Variants in FILIP1 observed in about 807,000 individuals in gnomAD.
FILIP1 encodes filamin-A-interacting protein 1.
Under a neutral mutation model 102.1 loss-of-function variants are expected in FILIP1, and 61 were observed. The observed-to-expected ratio is 0.60, with a 90% confidence interval of 0.49 to 0.74. The LOEUF (loss-of-function observed/expected upper bound fraction) is 0.74. FILIP1 is among the 30% of genes least tolerant of loss of function. The probability of loss-of-function intolerance (pLI) is 0.00; values close to 1 mark genes in which losing one functional copy is unlikely to be tolerated. For missense variants in FILIP1, 1,314 were observed against 1,441.2 expected, an observed-to-expected ratio of 0.91 and a Z score of 1.43; for synonymous variants, 491 against 526.9, an observed-to-expected ratio of 0.93 and a Z score of 0.93.
chr6:75,323,111 ATTTTTT>A (rs977507040), intron 4 of FILIP1, among the ~76,000 whole-genome samples: 1 of 151,986 alleles, frequency 6.6e-6, no homozygotes, highest in African/African-American at 2.4e-5. Flanking sequence ...TTTTATTTTT[ATTTTTT>A]GCCATTTAGA....
intron 2 of FILIP1, among the ~76,000 whole-genome samples, chr6:75,405,616 G>T (rs749819774): frequency 1.3e-5 from 2 of 152,190 alleles, no homozygotes; most frequent in Admixed American, 6.5e-5. Context: ...TGCCCTTACA[G>T]ATAGAGCAAT....
chr6:75,339,763 T>C (rs990589445), intron 4 of FILIP1, among the ~76,000 whole-genome samples: 6 of 152,124 alleles, frequency 3.9e-5, no homozygotes, highest in Middle Eastern at 3.4e-3. Flanking sequence ...GCCTGGCCAA[T>C]AGGGCGAAAC....
chr6:75,475,390 C>T (rs1325284708), intron 1 of FILIP1, among the ~76,000 whole-genome samples: 1 of 152,148 alleles, frequency 6.6e-6, no homozygotes, highest in African/African-American at 2.4e-5. Context: ...CTCAATTCCT[C>T]TCCTGAAATC....
chr6:75,444,186 G>C (rs1778366245), intron 1 of FILIP1, among the ~76,000 whole-genome samples: 2 of 152,132 alleles, frequency 1.3e-5, no homozygotes, highest in Non-Finnish European at 2.9e-5. Flanking sequence ...CTAATTTTCA[G>C]ATACATTTCC....
intron 1 of FILIP1, among the ~76,000 whole-genome samples, chr6:75,420,075 T>C (rs1777402289): frequency 1.3e-5 from 2 of 152,096 alleles, no homozygotes; most frequent in East Asian, 1.9e-4. Flanking sequence ...TGAAAATTCC[T>C]GTAAGTAATT....
Position 75,346,243 on chromosome 6 carries a change from G to A in FILIP1, c.629+7296C>T, listed in dbSNP as rs181423118. ...TGTTTGAGAAATATCTTCTATAGCA[G>A]TAAAAGTAAATTAATTCATGGCATA... On this transcript the variant is annotated intron_variant, in intron 4 of 5. Transcript: ENST00000237172. Among the ~76,000 whole-genome samples the A allele has an allele frequency of 2.6e-5, 4 of 152,268 alleles. No homozygotes were observed. The East Asian group carries it at 7.7e-4, about 29-fold the overall frequency.
chr6:75,483,383 T>C (rs560498186), intron 1 of FILIP1, among the ~76,000 whole-genome samples: 26 of 152,056 alleles, frequency 1.7e-4, no homozygotes, highest in South Asian at 4.2e-4. Context: ...GACAGAGGAA[T>C]CCCAGGAAAA....
intron 4 of FILIP1, among the ~76,000 whole-genome samples, chr6:75,351,895 T>C (rs1441622737): frequency 6.6e-6 from 1 of 152,216 alleles, no homozygotes; most frequent in Non-Finnish European, 1.5e-5. Flanking sequence ...GTGGGATTTA[T>C]TTTCACTGGT....
In FILIP1 at chr6:75,313,636, G is replaced by T; in HGVS notation, c.2196C>A (p.His732Gln). 6.3e-7 allele frequency: 1 copy of T among 1,596,984 alleles called. No homozygotes were observed. The highest frequency in any genetic ancestry group is 8.5e-7 in the Non-Finnish European group (1 of 1,174,752). Residue 732 changes from histidine to glutamine, a missense_variant, in exon 5 of 6, where the codon CAC (histidine) becomes CAA (glutamine). Physicochemically the swap from His to Gln is conservative, Grantham distance 24. Transcript: ENST00000237172. The surrounding 1 kb of genome is among the most constrained non-coding windows in gnomAD (Gnocchi z 4.2). ...AEVQALKEKI[H>Q]ELMNKEDQLS... The stretch of plus-strand genomic sequence containing the variant: ...GCTGATCTTCTTTGTTCATTAATTC[G>T]TGAATCTTCTCTTTAAGAGCTTGTA...
At chr6:75,406,444 T>A (rs902201412) in intron 2 of FILIP1, among the ~76,000 whole-genome samples, 1 of 152,182 alleles carries the variant, frequency 6.6e-6, no homozygotes, top group Non-Finnish European at 1.5e-5. Context: ...CTTTCCCTCC[T>A]TTGTATTCCT....
At chr6:75,345,935 G>T (rs1774566768) in intron 4 of FILIP1, among the ~76,000 whole-genome samples, 2 of 152,020 alleles carry the variant, frequency 1.3e-5, no homozygotes. Flanking sequence ...CTATTGCTGT[G>T]GTGGTGGTGG....
intron 2 of FILIP1, among the ~76,000 whole-genome samples, chr6:75,378,380 G>A (rs772440459): frequency 2.7e-4 from 41 of 152,288 alleles, no homozygotes; most frequent in Non-Finnish European, 5.1e-4. Flanking sequence ...TCTATAGTAC[G>A]AGAGCTGAAA....
At chr6:75,456,045 C>T (rs988400827) in intron 1 of FILIP1, among the ~76,000 whole-genome samples, 1 of 152,186 alleles carries the variant, frequency 6.6e-6, no homozygotes, top group Non-Finnish European at 1.5e-5. Context: ...CTCTTTCTTG[C>T]AAAATCTCAC....
At chr6:75,304,306 G>A (rs547519673), downstream of FILIP1, among the ~76,000 whole-genome samples, 30 of 152,208 alleles carry the variant, frequency 2.0e-4, 1 homozygote, top group South Asian at 6.0e-3. Context: ...CTGCCTCTCA[G>A]GCTCAAGCAA....
rs533191745 is a variant in FILIP1 at position 75,355,647 on chromosome 6, C to T, written c.451-1930G>A. On this transcript the variant is annotated intron_variant, in intron 3 of 5. Coordinates refer to ENST00000237172, the MANE Select transcript of FILIP1 (RefSeq NM_015687.5). ...CAAACTCCTGACCTCAGGTGATCCA[C>T]CCGCCTTGGCCTCCCAAAGTGCTGG... 2.6e-5 allele frequency among the ~76,000 whole-genome samples: 4 copies of T among 152,300 alleles called. No homozygotes were observed. In the East Asian group the frequency reaches 5.8e-4, roughly 22 times the overall value.
intron 2 of FILIP1, chr6:75,398,138 T>C (rs1776529604): frequency 6.6e-6 from 1 of 152,226 alleles, no homozygotes; most frequent in African/African-American, 2.4e-5. Context: ...AGTGATGTCC[T>C]CTTTTGATTA....
chr6:75,398,559 A>T (rs1382794335), intron 2 of FILIP1, among the ~76,000 whole-genome samples: 3 of 152,174 alleles, frequency 2.0e-5, no homozygotes, highest in Non-Finnish European at 4.4e-5. Flanking sequence ...TATAAGTATT[A>T]GCCCAGTGAC....
chr6:75,394,734 C>T (rs13204584), intron 2 of FILIP1, among the ~76,000 whole-genome samples: 8,238 of 152,184 alleles, frequency 0.054, 307 homozygotes, highest in Non-Finnish European at 0.076. Context: ...GGAAAATACC[C>T]ATTTCACCTA....
chr6:75,411,293 G>T (rs1309047412), intron 2 of FILIP1, among the ~76,000 whole-genome samples: 2 of 152,114 alleles, frequency 1.3e-5, no homozygotes, highest in Non-Finnish European at 2.9e-5. Flanking sequence ...ACTTGTTTAA[G>T]TTCCTTGTAG....
Sources: allele counts gnomAD v4.1 joint callset (sites outside exome capture counted in the v4.1 genomes callset), GRCh38; gene constraint gnomAD v4.1.1; non-coding constraint Gnocchi (gnomAD v3.1); transcripts MANE v1.5; gene names NCBI Gene and HGNC (gene_info 2026-07-23, HGNC 2026-07-21).